Variants in CREB3L2 observed in about 807,000 individuals in gnomAD.
CREB3L2 encodes cAMP responsive element binding protein 3 like 2.
A neutral mutation model predicts 57.2 loss-of-function variants in CREB3L2; 23 were observed. The ratio of observed to expected loss-of-function variants is 0.40; its 90% CI spans 0.29 to 0.57. The LOEUF (loss-of-function observed/expected upper bound fraction) is 0.57, where lower values mean the gene tolerates loss of function less well. CREB3L2 is among the 20% of genes least tolerant of loss of function. CREB3L2 has a pLI of 0.42. For missense variants in CREB3L2, 628 were observed against 634.7 expected, an observed-to-expected ratio of 0.99 and a Z score of 0.11; for synonymous variants, 268 against 265.1, an observed-to-expected ratio of 1.01 and a Z score of -0.11.
At chr7:137,890,586 ATG>A (rs1301586817) in intron 8 of CREB3L2, among the ~76,000 whole-genome samples, 6 of 152,242 alleles carry the variant, frequency 3.9e-5, no homozygotes, top group African/African-American at 1.4e-4. Context: ...TCATGGAATA[ATG>A]AGAAAATGCC....
chr7:137,956,125 C>T (rs570265260), intron 1 of CREB3L2, among the ~76,000 whole-genome samples: 3 of 152,166 alleles, frequency 2.0e-5, no homozygotes, highest in Non-Finnish European at 4.4e-5. Flanking sequence ...ATCAGTTTGC[C>T]TCAGGAATGT....
chr7:137,973,319 C>A (rs1240331447), intron 1 of CREB3L2, among the ~76,000 whole-genome samples: 4 of 152,062 alleles, frequency 2.6e-5, no homozygotes, highest in Non-Finnish European at 5.9e-5. Flanking sequence ...AGAATCCACA[C>A]ACTCCTGGTG....
At chr7:137,896,756 C>T (rs183148174) in intron 8 of CREB3L2, among the ~76,000 whole-genome samples, 416 of 152,256 alleles carry the variant, frequency 2.7e-3, no homozygotes, top group African/African-American at 9.6e-3. Context: ...ACACACAGAG[C>T]CACTGCGCTC....
intron 1 of CREB3L2, among the ~76,000 whole-genome samples, chr7:137,996,999 C>A (rs1435586272): frequency 6.6e-6 from 1 of 152,130 alleles, no homozygotes; most frequent in Non-Finnish European, 1.5e-5. Flanking sequence ...AGAACATTAT[C>A]AAGATCTTGA....
At chr7:137,964,642 C>G (rs10271679) in intron 1 of CREB3L2, among the ~76,000 whole-genome samples, 17,140 of 152,264 alleles carry the variant, frequency 0.11, 1,241 homozygotes, top group Admixed American at 0.24. Flanking sequence ...ATTGAACAAT[C>G]CAATATTGAA....
chr7:137,994,989 T>C (rs1801962719), intron 1 of CREB3L2, among the ~76,000 whole-genome samples: 1 of 152,220 alleles, frequency 6.6e-6, no homozygotes. Context: ...TGAGTCTCCA[T>C]CCCCATATGA....
intron 1 of CREB3L2, among the ~76,000 whole-genome samples, chr7:137,930,120 A>G (rs1800582983): frequency 6.6e-6 from 1 of 151,834 alleles, no homozygotes; most frequent in African/African-American, 2.4e-5. Flanking sequence ...GATGGTCTCA[A>G]TCTCCTGACC....
At chr7:137,976,338 G>A (rs1018403244) in intron 1 of CREB3L2, among the ~76,000 whole-genome samples, 15 of 152,220 alleles carry the variant, frequency 9.9e-5, no homozygotes, top group Admixed American at 5.9e-4. Flanking sequence ...GGGTGGCATC[G>A]GCCCCAAATT....
intron 1 of CREB3L2, among the ~76,000 whole-genome samples, chr7:137,976,260 C>T (rs146310237): frequency 6.6e-6 from 1 of 152,324 alleles, no homozygotes; most frequent in East Asian, 1.9e-4. Context: ...CCAAAATCTG[C>T]TTATTTAACA....
At chr7:137,981,575 A>G (rs1228377522) in intron 1 of CREB3L2, among the ~76,000 whole-genome samples, 2 of 152,210 alleles carry the variant, frequency 1.3e-5, no homozygotes, top group Non-Finnish European at 2.9e-5. Flanking sequence ...GTCACAGACC[A>G]AAAATATATA....
chr7:137,915,409 A>G (rs1358770202), intron 3 of CREB3L2, among the ~76,000 whole-genome samples: 1 of 152,124 alleles, frequency 6.6e-6, no homozygotes, highest in Non-Finnish European at 1.5e-5. Flanking sequence ...AGTAAGGACA[A>G]CTCAGCATCT....
chr7:137,912,819 C>CA, intron 4 of CREB3L2, 172 bp downstream of exon 4: 1 of 1,514,378 alleles, frequency 6.6e-7, no homozygotes, highest in Admixed American at 2.0e-5. Flanking sequence ...AGTTAGCTTG[C>CA]AAAATTTTTA....
chr7:137,944,623 C>T (rs987703015), intron 1 of CREB3L2, among the ~76,000 whole-genome samples: 1 of 152,026 alleles, frequency 6.6e-6, no homozygotes, highest in Non-Finnish European at 1.5e-5. Context: ...TAAAATAGCC[C>T]ACATATGAGT....
intron 7 of CREB3L2, among the ~76,000 whole-genome samples, chr7:137,901,888 A>AAAAAAAAG (rs1193850531): frequency 6.7e-6 from 1 of 149,026 alleles, no homozygotes; most frequent in Non-Finnish European, 1.5e-5. Context: ...AAAAAAAAAA[A>AAAAAAAAG]AAAAGAAAAA....
chr7:137,971,602 C>T (rs1273619069), intron 1 of CREB3L2, among the ~76,000 whole-genome samples: 1 of 152,008 alleles, frequency 6.6e-6, no homozygotes, highest in Non-Finnish European at 1.5e-5. Flanking sequence ...CAACCCGAAT[C>T]CCCTGGATCT....
chr7:137,883,802 G>C (rs1418284639), intron 10 of CREB3L2, among the ~76,000 whole-genome samples: 2 of 152,162 alleles, frequency 1.3e-5, no homozygotes, highest in Non-Finnish European at 2.9e-5. Flanking sequence ...TGAAAGCTTA[G>C]AATACAAAAC....
At chr7:137,925,331 A>C (rs1800428592) in intron 2 of CREB3L2, among the ~76,000 whole-genome samples, 2 of 152,224 alleles carry the variant, frequency 1.3e-5, no homozygotes, top group Admixed American at 1.3e-4. Context: ...ATTTAATCTA[A>C]GTACAATTGG....
At chr7:137,949,812 G>A (rs991913596) in intron 1 of CREB3L2, among the ~76,000 whole-genome samples, 3 of 152,136 alleles carry the variant, frequency 2.0e-5, no homozygotes, top group East Asian at 1.9e-4. Flanking sequence ...AACCCAATCC[G>A]CACTGGTTAT....
intron 8 of CREB3L2, among the ~76,000 whole-genome samples, chr7:137,886,852 T>C (rs1215528331): frequency 5.9e-5 from 9 of 152,010 alleles, no homozygotes; most frequent in African/African-American, 1.9e-4. Context: ...ACAGAGCAGA[T>C]GGTAAAATTC....
Sources: gnomAD v4.1 joint callset for allele counts (sites outside exome capture counted in the v4.1 genomes callset) on GRCh38, gnomAD v4.1.1 for gene constraint, MANE v1.5 for transcripts, NCBI Gene and HGNC (gene_info 2026-07-23, HGNC 2026-07-21) for gene names.